PFAS: variants seen among roughly 807,000 people sequenced by gnomAD.
The protein encoded by PFAS is phosphoribosylformylglycinamidine synthase.
Under a neutral mutation model 140.6 loss-of-function variants are expected in PFAS, and 97 were observed. That is an observed-to-expected ratio of 0.69 (90% CI 0.59 to 0.82). The LOEUF (loss-of-function observed/expected upper bound fraction) is 0.82. Among genes scored for constraint, PFAS ranks in the 40% least tolerant of loss-of-function variants. PFAS has a pLI of 0.00. For synonymous variants in PFAS, 679 were observed against 718.8 expected (o/e 0.94, Z 0.88); for missense variants, 1,656 against 1,780.2 (o/e 0.93, Z 1.26).
Position 8,254,001 on chromosome 17 carries a change from A to G in PFAS, c.64A>G (p.Thr22Ala), listed in dbSNP as rs772781776. Residue 22 changes from threonine to alanine, a missense_variant, in exon 2 of 28, where the codon ACT (threonine) becomes GCT (alanine). Transcript: ENST00000314666. Reference sequence around the variant, plus strand: ...CCATGAGGGGGCAGCCCCTGGACACACTCGGAGGAAACTGCAAGGGAAACT... The same window carrying G: ...CCATGAGGGGGCAGCCCCTGGACACGCTCGGAGGAAACTGCAAGGGAAACT... ...SGHEGAAPGHTRRKLQGKLPE... is the reference protein window; with the variant it reads ...SGHEGAAPGHARRKLQGKLPE... The G allele has an allele frequency of 5.0e-6, 8 of 1,613,972 alleles. No homozygotes were observed. Among genetic ancestry groups the G allele is most frequent in the Middle Eastern group, 3.3e-4 (2 of 6,084 alleles).
chr17:8,268,801 G>T lies in PFAS; in HGVS notation c.3651G>T (p.Leu1217=). 1 of 1,608,582 alleles carries T rather than the reference G, an allele frequency of 6.2e-7. No individual in the cohort carries two copies. Residue 1217 remains leucine, a synonymous_variant, in exon 27 of 28, where the codon CTG becomes CTT. Coordinates refer to ENST00000314666, the MANE Select transcript of PFAS (RefSeq NM_012393.3). ...ASVRVGPGPA[L]MLRGMEGAVL... ...TGCGTGTGGGGCCTGGGCCAGCCCT[G>T]ATGCTGCGAGGGATGGAGGGCGCCG...
Position 8,255,925 on chromosome 17 carries a change from G to T in PFAS, c.680+15G>T. ...CAGTCCAATAGGTGAGGAGAAATGG[G>T]GTTGTTCCCATACCTGAGCCCATGG... On this transcript the variant is annotated intron_variant, in intron 6 of 27. Transcript: ENST00000314666. The T allele has an allele frequency of 6.4e-7, 1 of 1,570,530 alleles. No individual in the cohort carries two copies.
chr17:8,267,040 G>T lies in PFAS; in HGVS notation c.2980G>T (p.Val994Leu). ...AGPHAMVRVS[V>L]NGAVVLEEPV... ...TTCCTCTTCCTAGGTCCGGGTGTCA[G>T]TGAACGGGGCTGTGGTTCTGGAGGA... The change falls in exon 24 of 28, where the codon GTG becomes TTG. Residue 994 changes from valine (V) to leucine (L), a missense_variant. This residue lies in a region of PFAS where 883 missense variants were observed against 1,023.0 expected (regional missense o/e 0.86). Coordinates refer to ENST00000314666, the MANE Select transcript of PFAS (RefSeq NM_012393.3). The surrounding 1 kb of genome is among the most constrained non-coding windows in gnomAD (Gnocchi z 4.9). 3 of 1,613,972 alleles carry T rather than the reference G, an allele frequency of 1.9e-6. No individual in the cohort carries two copies. Among genetic ancestry groups the T allele is most frequent in the Non-Finnish European group, 2.5e-6 (3 of 1,180,028 alleles).
intron 1 of PFAS, among the ~76,000 whole-genome samples, chr17:8,251,241 G>A (rs879686372): frequency 4.6e-5 from 7 of 152,064 alleles, no homozygotes; most frequent in Non-Finnish European, 8.8e-5. Flanking sequence ...AGCCGAGATC[G>A]TGCCACTGTA....
intron 3 of PFAS, 59 bp from the exon 4 acceptor site, chr17:8,254,968 C>T (rs1989300364): frequency 1.6e-6 from 2 of 1,217,236 alleles, no homozygotes; most frequent in Non-Finnish European, 2.4e-6. Context: ...CAGGATCCAC[C>T]CTCCCAGCTG....
chr17:8,266,580 T>C lies in PFAS; in HGVS notation c.2822-173T>C. 2 of 1,459,218 alleles carry C rather than the reference T, an allele frequency of 1.4e-6. No homozygotes were observed. Among genetic ancestry groups the C allele is most frequent in the Non-Finnish European group, 1.8e-6 (2 of 1,111,656 alleles). The allele number at this position is 1,459,218 out of a possible 1,614,324, so 90.4% of individuals were successfully genotyped here. A position where few individuals can be genotyped will look rare whatever the true frequency, so the allele number is the denominator to read the frequency against. On this transcript the variant is annotated intron_variant, in intron 22 of 27. Transcript: ENST00000314666. This position sits in a 1 kb window ranked among gnomAD's most constrained non-coding sequence, Gnocchi z 5.0. ...AGACTTCCCATCCCTGAGATGTCCA[T>C]GATGAAACATCCTCAGTCCTGCCGT...
At chr17:8,258,275 G>A (rs889500010) in intron 11 of PFAS, 76 bp downstream of exon 11, 7 of 1,516,066 alleles carry the variant, frequency 4.6e-6, no homozygotes, top group African/African-American at 2.8e-5. Flanking sequence ...AGGGAACTTA[G>A]GGAACACTTC....
chr17:8,248,410 A>AT (rs35534210), upstream of PFAS, among the ~76,000 whole-genome samples: 1,867 of 67,562 alleles, frequency 0.028, 88 homozygotes, highest in African/African-American at 0.065. Flanking sequence ...CGCCCGGCTA[A>AT]TTTTTTTTTT....
chr17:8,267,014 G>C lies in PFAS; in HGVS notation c.2968-14G>C, dbSNP rs1332737222. The C allele has an allele frequency of 6.2e-7, 1 of 1,613,318 alleles. No homozygotes were observed. Among genetic ancestry groups the C allele is most frequent in the Admixed American group, 1.7e-5 (1 of 60,016 alleles). On this transcript the variant is annotated splice_polypyrimidine_tract_variant and intron_variant, in intron 23 of 27. Coordinates refer to ENST00000314666, the MANE Select transcript of PFAS (RefSeq NM_012393.3). The surrounding 1 kb of genome is among the most constrained non-coding windows in gnomAD (Gnocchi z 4.9). The stretch of plus-strand genomic sequence containing the variant: ...CTTTCTCCTAGCCCGTGGGAGATTT[G>C]TTCCTCTTCCTAGGTCCGGGTGTCA...
At position 8,267,957 on chromosome 17, in the gene PFAS, A is replaced by AATATATATTATTT. The variant is rs1273125508; in HGVS notation, c.3382+312_3382+324dup. On this transcript the variant is annotated intron_variant, in intron 26 of 27. Transcript: ENST00000314666. This position sits in a 1 kb window ranked among gnomAD's most constrained non-coding sequence, Gnocchi z 4.9. ...ATGTATATTATTTATATATTATTAA[A>AATATATATTATTT]ATATATATTATTTATATATATTATT... 7.0e-6 allele frequency among the ~76,000 whole-genome samples: 1 copy of AATATATATTATTT among 143,844 alleles called. No individual in the cohort carries two copies. Among genetic ancestry groups the AATATATATTATTT allele is most frequent in the East Asian group, 2.0e-4 (1 of 5,056 alleles). 94.4% of individuals were successfully genotyped at this position (143,844 alleles called of 152,430 possible).
At position 8,263,131 on chromosome 17, in the gene PFAS, A is replaced by G. The variant is rs2151590213; in HGVS notation, c.1433A>G (p.Asp478Gly). Residue 478 changes from aspartate (D) to glycine (G), a missense_variant, in exon 13 of 28, where the codon GAC becomes GGC. Asp to Gly is a moderately conservative substitution (Grantham distance 94, BLOSUM62 -1). Coordinates refer to ENST00000314666, the MANE Select transcript of PFAS (RefSeq NM_012393.3). Reference protein sequence around the residue: ...SVQVQGDNTSDLDFGAVQRGD... With the variant: ...SVQVQGDNTSGLDFGAVQRGD... ...CAGGTGCAGGGAGATAACACCAGTG[A>G]CCTGGACTTTGGGGCTGTGCAGCGA... 6.2e-7 allele frequency: 1 copy of G among 1,614,030 alleles called. No individual in the cohort carries two copies. Among genetic ancestry groups the G allele is most frequent in the Non-Finnish European group, 8.5e-7 (1 of 1,179,876 alleles).
Position 8,255,553 on chromosome 17 carries a change from C to A in PFAS, c.436C>A (p.His146Asn). Residue 146 changes from histidine to asparagine, a missense_variant, in exon 5 of 28, where the codon CAC becomes AAC. This residue lies in a region of PFAS where 773 missense variants were observed against 757.3 expected (regional missense o/e 1.02). Coordinates refer to ENST00000314666, the MANE Select transcript of PFAS (RefSeq NM_012393.3). Reference protein sequence around the residue: ...EVEAIALATLHDRMTEQHFPH... With the variant: ...EVEAIALATLNDRMTEQHFPH... ...GGAAGCCATTGCTCTGGCTACCCTG[C>A]ACGACCGGATGACAGAGCAGCACTT... 13 of 1,543,330 alleles carry A rather than the reference C, an allele frequency of 8.4e-6. No individual in the cohort carries two copies. Among genetic ancestry groups the A allele is most frequent in the Non-Finnish European group, 1.1e-5 (13 of 1,151,262 alleles).
Position 8,255,044 on chromosome 17 carries a change from C to T in PFAS, c.296C>T (p.Pro99Leu), listed in dbSNP as rs1048300799. The part of the protein sequence containing the change: ...EVGPRLNFST[P>L]TSTNIVSVCR... ...TTGTTCAGGCTGAACTTCTCCACCC[C>T]AACATCCACCAACATCGTGTCAGTG... The change falls in exon 4 of 28, where the codon CCA becomes CTA. Residue 99 changes from proline to leucine, a missense_variant. Pro to Leu is a moderately conservative substitution (Grantham distance 98). Transcript: ENST00000314666. 6.2e-7 allele frequency: 1 copy of T among 1,613,838 alleles called. No homozygotes were observed. The highest frequency in any genetic ancestry group is 8.5e-7 in the Non-Finnish European group (1 of 1,179,836).
chr17:8,260,738 C>T (rs1300475610), intron 11 of PFAS, among the ~76,000 whole-genome samples: 1 of 152,208 alleles, frequency 6.6e-6, no homozygotes, highest in Admixed American at 6.5e-5. Flanking sequence ...CACTCTCCTG[C>T]CTCAGCCTCC....
In PFAS at chr17:8,267,677, G is replaced by C; in HGVS notation, c.3382+12G>C. On this transcript the variant is annotated intron_variant, in intron 26 of 27. Transcript: ENST00000314666. This position sits in a 1 kb window ranked among gnomAD's most constrained non-coding sequence, Gnocchi z 4.9. ...GGGCTCTGCCAAAGGTCAGTGTGCAGGCTTCTGCCCACTCCCTTCCCCCAC... is the reference window on the plus strand; with the variant it reads ...GGGCTCTGCCAAAGGTCAGTGTGCACGCTTCTGCCCACTCCCTTCCCCCAC... 6.9e-7 allele frequency: 1 copy of C among 1,450,822 alleles called. No homozygotes were observed. Among genetic ancestry groups the C allele is most frequent in the Non-Finnish European group, 9.7e-7 (1 of 1,034,624 alleles). 89.9% of individuals were successfully genotyped at this position (1,450,822 alleles called of 1,614,324 possible).
Position 8,266,606 on chromosome 17 carries a change from C to G in PFAS, c.2822-147C>G, listed in dbSNP as rs915616591. 8.1e-6 allele frequency: 12 copies of G among 1,487,102 alleles called. No homozygotes were observed. In the East Asian group the frequency reaches 2.8e-4, roughly 35 times the overall value. The allele number at this position is 1,487,102 out of a possible 1,614,324, so 92.1% of individuals were successfully genotyped here. ...GATGAAACATCCTCAGTCCTGCCGT[C>G]CTAGCCCTCATCCTCCCTGATCCCT... On this transcript the variant is annotated intron_variant, in intron 22 of 27. Transcript: ENST00000314666. This position sits in a 1 kb window ranked among gnomAD's most constrained non-coding sequence, Gnocchi z 5.0.
rs199789262 is a variant in PFAS, at chr17:8,254,274, A to G, written c.251A>G (p.Asn84Ser). ...GAGTCCTGGCTCCTTCCTGGCTCCAATGACCTGCTGCTGGAGGTCGGGCCC... is the reference window on the plus strand; with the variant it reads ...GAGTCCTGGCTCCTTCCTGGCTCCAGTGACCTGCTGCTGGAGGTCGGGCCC... Reference protein sequence around the residue: ...ARESWLLPGSNDLLLEVGPRL... With the variant: ...ARESWLLPGSSDLLLEVGPRL... Residue 84 changes from asparagine (N) to serine (S), a missense_variant, in exon 3 of 28, where the codon AAT becomes AGT. Physicochemically the swap from Asn to Ser is conservative, Grantham distance 46. Transcript: ENST00000314666. 3.1e-4 allele frequency: 502 copies of G among 1,614,038 alleles called. 7 individuals carry two copies. The East Asian group carries it at 8.0e-3, about 26-fold the overall frequency.
chr17:8,252,291 C>CA (rs576143970), intron 1 of PFAS, among the ~76,000 whole-genome samples: 213 of 144,258 alleles, frequency 1.5e-3, no homozygotes, highest in South Asian at 6.8e-3. Context: ...GAATCCATCT[C>CA]AAAAAAAAAG....
intron 6 of PFAS, 152 bp downstream of exon 6, chr17:8,256,062 A>G (rs1989349591): frequency 2.5e-6 from 2 of 807,236 alleles, no homozygotes; most frequent in South Asian, 1.8e-5. Context: ...TCTACATTCA[A>G]ATCTTGGTTT....
Sources: allele counts gnomAD v4.1 joint callset (sites outside exome capture counted in the v4.1 genomes callset), GRCh38; gene constraint gnomAD v4.1.1; regional missense constraint gnomAD v4.1.1; non-coding constraint Gnocchi (gnomAD v3.1); transcripts MANE v1.5; gene names NCBI Gene and HGNC (gene_info 2026-07-23, HGNC 2026-07-21).